Variants in TCP11L2 observed in about 807,000 individuals in gnomAD.
TCP11L2 encodes T-complex protein 11-like protein 2.
In TCP11L2, 39 loss-of-function variants were observed where a neutral mutation model predicts 50.7. The ratio of observed to expected loss-of-function variants is 0.77; its 90% confidence interval spans 0.60 to 1.01. TCP11L2 has a LOEUF of 1.01. Ranked by LOEUF, TCP11L2 falls within the 50% of genes least tolerant of loss-of-function variation. TCP11L2 has a pLI of 0.00. For synonymous variants in TCP11L2, 192 were observed against 219.3 expected, an observed-to-expected ratio of 0.88 and a Z score of 1.10; for missense variants, 612 against 614.7, an observed-to-expected ratio of 1.00 and a Z score of 0.05.
chr12:106,324,198 A>T (rs1344881863), intron 6 of TCP11L2: 2 of 152,198 alleles, frequency 1.3e-5, no homozygotes, highest in African/African-American at 4.8e-5. Flanking sequence ...ATTGTTTTTT[A>T]GATGTGATGG....
chr12:106,303,347 G>A (rs2034497893), intron 1 of TCP11L2: 2 of 152,490 alleles, frequency 1.3e-5, no homozygotes, highest in South Asian at 2.1e-4. Flanking sequence ...CCAGGGTAGA[G>A]GCAGGGCGGG....
At chr12:106,341,566 A>G (rs1030397856) in intron 9 of TCP11L2, among the ~76,000 whole-genome samples, 1 of 152,226 alleles carries the variant, frequency 6.6e-6, no homozygotes, top group Non-Finnish European at 1.5e-5. Context: ...CTTAAACAAA[A>G]TGATCATTTA....
intron 8 of TCP11L2, among the ~76,000 whole-genome samples, chr12:106,337,624 G>A (rs1399816832): frequency 6.6e-6 from 1 of 152,194 alleles, no homozygotes; most frequent in Non-Finnish European, 1.5e-5. Context: ...AGGCTTTCGG[G>A]TCAGATGGAC....
intron 2 of TCP11L2, among the ~76,000 whole-genome samples, chr12:106,311,517 A>G (rs538208146): frequency 2.6e-4 from 39 of 152,296 alleles, no homozygotes; most frequent in African/African-American, 8.7e-4. Flanking sequence ...AACAGCAGAA[A>G]GCCATTCCTT....
Position 106,346,549 on chromosome 12 carries a change from C to G in TCP11L2, c.*19C>G. ...TAACTAAAGAAGAACTGACATTGGA[C>G]GAGAGATTGGAAATCCAGTACTTTG... On this transcript the variant is annotated 3_prime_UTR_variant, in exon 10 of 10. Transcript: ENST00000299045. 1.2e-6 allele frequency: 2 copies of G among 1,600,252 alleles called. No homozygotes were observed. The highest frequency in any genetic ancestry group is 1.7e-4 in the Middle Eastern group (1 of 5,992).
At chr12:106,340,037 A>C (rs764680972) in intron 8 of TCP11L2, among the ~76,000 whole-genome samples, 14 of 152,204 alleles carry the variant, frequency 9.2e-5, no homozygotes, top group African/African-American at 3.1e-4. Context: ...ATAACACCAT[A>C]GCTTATGTTC....
At chr12:106,334,460 A>G (rs1350405471) in intron 6 of TCP11L2, among the ~76,000 whole-genome samples, 1 of 152,140 alleles carries the variant, frequency 6.6e-6, no homozygotes, top group Non-Finnish European at 1.5e-5. Flanking sequence ...GTGGTCACCA[A>G]GACCTGTGGG....
rs1453278702 is a variant in TCP11L2, at chr12:106,321,991, G to A, written c.635+285G>A. On this transcript the variant is annotated intron_variant, in intron 5 of 9. Coordinates refer to ENST00000299045, the MANE Select transcript of TCP11L2 (RefSeq NM_152772.3). ...CTCCAGGGAGTCTAATGGGCAGAGA[G>A]ATCTTGAACAATTAATTACAATTGT... Among the ~76,000 whole-genome samples the A allele has an allele frequency of 2.6e-5, 4 of 152,302 alleles. No homozygotes were observed. In the East Asian group the frequency reaches 7.7e-4, roughly 29 times the overall value.
rs1592944782 is a variant in TCP11L2, at chr12:106,318,518, A to G, written c.414+54A>G. The G allele has an allele frequency of 1.2e-5, 19 of 1,604,266 alleles. No individual in the cohort carries two copies. In the East Asian group the frequency reaches 1.4e-4, roughly 11 times the overall value. On this transcript the variant is annotated intron_variant, in intron 4 of 9. Coordinates refer to ENST00000299045, the MANE Select transcript of TCP11L2 (RefSeq NM_152772.3). ...AGCGTCTTACTCCAGGTGGGCTGCT[A>G]TAACAGACTGGCATAGCCTGGGTGG...
At chr12:106,318,891 ATTTTATTTTTTTTTTTTT>A (rs1333809758) in intron 4 of TCP11L2, among the ~76,000 whole-genome samples, 3 of 90,268 alleles carry the variant, frequency 3.3e-5, no homozygotes, top group Admixed American at 1.2e-4. Context: ...TTTGTATTTT[ATTTTATTTTTTTTTTTTT>A]TTTTATTTTT....
chr12:106,323,498 T>A lies in TCP11L2; in HGVS notation c.636-12T>A. On this transcript the variant is annotated splice_polypyrimidine_tract_variant and intron_variant, in intron 5 of 9. Coordinates refer to ENST00000299045, the MANE Select transcript of TCP11L2 (RefSeq NM_152772.3). ...CTTAATCATCTCTCTATTTTAATTC[T>A]AAAATTTTTAGACAAATATTCCATG... 6.5e-7 allele frequency: 1 copy of A among 1,531,490 alleles called. No individual in the cohort carries two copies. Among genetic ancestry groups the A allele is most frequent in the Non-Finnish European group, 8.8e-7 (1 of 1,133,156 alleles). The allele number at this position is 1,531,490 out of a possible 1,614,324, so 94.9% of individuals were successfully genotyped here. A position where few individuals can be genotyped will look rare whatever the true frequency, so the allele number is the denominator to read the frequency against.
chr12:106,322,357 C>T (rs1369829310), intron 5 of TCP11L2, among the ~76,000 whole-genome samples: 1 of 152,150 alleles, frequency 6.6e-6, no homozygotes, highest in African/African-American at 2.4e-5. Flanking sequence ...AGAAGTGACA[C>T]ATTCTCTTTG....
chr12:106,323,222 T>C (rs1157203154), intron 5 of TCP11L2, among the ~76,000 whole-genome samples: 1 of 152,246 alleles, frequency 6.6e-6, no homozygotes, highest in Non-Finnish European at 1.5e-5. Context: ...CCCTGTGTCC[T>C]GGCTCTTTAA....
intron 4 of TCP11L2, among the ~76,000 whole-genome samples, chr12:106,319,377 T>C (rs967442318): frequency 3.3e-5 from 5 of 152,230 alleles, no homozygotes; most frequent in African/African-American, 9.6e-5. Flanking sequence ...ATAGCAGTTT[T>C]TTCCCCCCAA....
chr12:106,299,986 G>C (rs2034384344), upstream of TCP11L2, among the ~76,000 whole-genome samples: 1 of 151,912 alleles, frequency 6.6e-6, no homozygotes, highest in African/African-American at 2.4e-5. Context: ...TTAGTCTTTT[G>C]CCAAGAGTGA....
At chr12:106,315,718 G>A (rs368548766) in intron 3 of TCP11L2, among the ~76,000 whole-genome samples, 2 of 152,122 alleles carry the variant, frequency 1.3e-5, no homozygotes, top group South Asian at 2.1e-4. Context: ...CTCGCCCTCC[G>A]ACCTCTAGTT....
At chr12:106,322,662 A>C (rs865914124) in intron 5 of TCP11L2, among the ~76,000 whole-genome samples, 3 of 152,192 alleles carry the variant, frequency 2.0e-5, no homozygotes, top group South Asian at 2.1e-4. Context: ...TATGGTGGCC[A>C]CATTGAGAAT....
intron 9 of TCP11L2, among the ~76,000 whole-genome samples, chr12:106,342,326 T>G (rs1245065791): frequency 6.6e-6 from 1 of 152,198 alleles, no homozygotes; most frequent in Non-Finnish European, 1.5e-5. Flanking sequence ...TACGACATTG[T>G]GGGCTGCTGG....
upstream of TCP11L2, among the ~76,000 whole-genome samples, chr12:106,302,444 CT>C (rs2034451848): frequency 6.7e-6 from 1 of 148,820 alleles, no homozygotes; most frequent in Non-Finnish European, 1.5e-5. Flanking sequence ...CCCCAGTGCC[CT>C]GGCAGGCCCC....
Sources: allele counts gnomAD v4.1 joint callset (sites outside exome capture counted in the v4.1 genomes callset), GRCh38; gene constraint gnomAD v4.1.1; transcripts MANE v1.5; gene names NCBI Gene and HGNC (gene_info 2026-07-23, HGNC 2026-07-21).